HERC1: variants seen among roughly 807,000 people sequenced by gnomAD.
HERC1 encodes the protein HECT and RLD domain containing E3 ubiquitin protein ligase family member 1, also known as probable E3 ubiquitin-protein ligase HERC1.
A neutral mutation model predicts 554.3 loss-of-function variants in HERC1; 160 were observed. The observed-to-expected ratio is 0.29, with a 90% CI of 0.25 to 0.33. The LOEUF (loss-of-function observed/expected upper bound fraction) is 0.33. Ranked by LOEUF, HERC1 falls within the 10% of genes least tolerant of loss-of-function variation. The probability of loss-of-function intolerance (pLI) is 1.00; values close to 1 mark genes in which losing one functional copy is unlikely to be tolerated. For missense variants in HERC1, 4,919 were observed against 5,918.5 expected (o/e 0.83, Z 5.54); for synonymous variants, 2,175 against 2,131.7 (o/e 1.02, Z -0.56).
intron 1 of HERC1, among the ~76,000 whole-genome samples, chr15:63,833,463 T>G (rs2078226689): frequency 6.6e-6 from 1 of 151,948 alleles, no homozygotes; most frequent in African/African-American, 2.4e-5. Flanking sequence ...GATAAAGGAA[T>G]GAAGCAGAAA....
rs1063420 is a variant in HERC1 at position 63,727,771 on chromosome 15, A to G, written c.3222T>C (p.Pro1074=). The G allele has an allele frequency of 6.2e-7, 1 of 1,613,876 alleles. No individual in the cohort carries two copies. The highest frequency in any genetic ancestry group is 1.7e-5 in the Admixed American group (1 of 60,006). The part of the protein sequence containing the change: ...CQIVNSLLLL[P]VSVARPLLSY... Reference sequence around the variant, plus strand: ...TCAATAAAGGCCGAGCCACTGACACAGGGAGTAACAGCAGGGAGTTAACAA... The same window carrying G: ...TCAATAAAGGCCGAGCCACTGACACGGGGAGTAACAGCAGGGAGTTAACAA... Residue 1074 remains proline, a synonymous_variant, in exon 17 of 78, where the codon CCT becomes CCC. Coordinates refer to ENST00000443617, the MANE Select transcript of HERC1 (RefSeq NM_003922.4). This position sits in a 1 kb window ranked among gnomAD's most constrained non-coding sequence, Gnocchi z 4.3.
chr15:63,644,589 T>C lies in HERC1; in HGVS notation c.11184+403A>G, dbSNP rs556562711. ...TGTTACTCGCCTAGAGGGCTCTCTA[T>C]AAATATATACATTTGTAACTTCTGT... On this transcript the variant is annotated intron_variant, in intron 57 of 77. Transcript: ENST00000443617. 2.6e-5 allele frequency among the ~76,000 whole-genome samples: 4 copies of C among 152,346 alleles called. No homozygotes were observed. The East Asian group carries it at 7.7e-4, about 29-fold the overall frequency.
At position 63,649,695 on chromosome 15, in the gene HERC1, C is replaced by T. The variant is rs146479868; in HGVS notation, c.10747+30G>A. 4.2e-4 allele frequency: 660 copies of T among 1,575,434 alleles called. 3 individuals are homozygous for T. In the African/African-American group the frequency reaches 7.9e-3, roughly 19 times the overall value. ...AGTCTAGAAAGGAAGTTGGAGACTC[C>T]GTCAGCTAGACGTAAGTGCAGTCAT... On this transcript the variant is annotated intron_variant, in intron 54 of 77. Transcript: ENST00000443617.
At chr15:63,690,458 C>G in intron 32 of HERC1, 83 bp downstream of exon 32, 1 of 817,202 alleles carries the variant, frequency 1.2e-6, no homozygotes. Flanking sequence ...ACATTTACAA[C>G]TGAAGAGACT....
chr15:63,690,378 C>T (rs902122607), intron 32 of HERC1, among the ~76,000 whole-genome samples, 163 bp downstream of exon 32: 59 of 151,658 alleles, frequency 3.9e-4, no homozygotes, highest in African/African-American at 1.3e-3. Context: ...TTTTTTTTGC[C>T]CTCTCCTTGG....
At chr15:63,731,924 A>T (rs527571538) in intron 14 of HERC1, among the ~76,000 whole-genome samples, 7 of 152,282 alleles carry the variant, frequency 4.6e-5, no homozygotes, top group African/African-American at 1.4e-4. Flanking sequence ...ATACGTGTAC[A>T]ATGTACAATT....
chr15:63,739,659 T>G (rs2074708110), intron 12 of HERC1, among the ~76,000 whole-genome samples: 1 of 151,808 alleles, frequency 6.6e-6, no homozygotes, highest in Non-Finnish European at 1.5e-5. Context: ...GCCAACATGG[T>G]GAAACCCTGT....
In HERC1 at chr15:63,833,878, C is replaced by T. The variant is rs1433627706; in HGVS notation, c.-78G>A. 1 of 152,788 alleles carries T rather than the reference C, an allele frequency of 6.5e-6. No individual in the cohort carries two copies. The highest frequency in any genetic ancestry group is 1.5e-5 in the Non-Finnish European group (1 of 68,298). The allele number at this position is 152,788 out of a possible 1,614,324, so 9.5% of individuals were successfully genotyped here. A position where few individuals can be genotyped will look rare whatever the true frequency, so the allele number is the denominator to read the frequency against. The stretch of plus-strand genomic sequence containing the variant: ...CGCGGCTCCGGCGACCCGAGCCCGG[C>T]TCCGCAGAGGCTGCGGCGGTCGCGT... On this transcript the variant is annotated 5_prime_UTR_variant, in exon 1 of 78. Transcript: ENST00000443617.
chr15:63,627,073 T>G (rs559063377), intron 70 of HERC1, among the ~76,000 whole-genome samples: 6 of 152,256 alleles, frequency 3.9e-5, no homozygotes, highest in Admixed American at 2.6e-4. Context: ...TGCCCTAAAG[T>G]GGAAGTGAAA....
chr15:63,714,545 G>GTTTTTTTT (rs773905620), intron 22 of HERC1, among the ~76,000 whole-genome samples: 4 of 95,796 alleles, frequency 4.2e-5, no homozygotes, highest in Non-Finnish European at 6.1e-5. Context: ...TCCTTTTTCT[G>GTTTTTTTT]TTTTTTTTTT....
Position 63,645,667 on chromosome 15 carries a change from T to C in HERC1, c.10894A>G (p.Met3632Val). ...ATATGACCTGTAGGGTCCCACTTCATGCTAATAAGAGTATCCTTAAAATGG... is the reference window on the plus strand; with the variant it reads ...ATATGACCTGTAGGGTCCCACTTCACGCTAATAAGAGTATCCTTAAAATGG... ...IDAHKDTLISMKWDPTGHILM... is the reference protein window; with the variant it reads ...IDAHKDTLISVKWDPTGHILM... The change falls in exon 56 of 78, where the codon ATG (methionine) becomes GTG (valine). Residue 3632 changes from methionine (M) to valine (V), a missense_variant. Transcript: ENST00000443617. 1 of 1,585,662 alleles carries C rather than the reference T, an allele frequency of 6.3e-7. No homozygotes were observed. The highest frequency in any genetic ancestry group is 8.6e-7 in the Non-Finnish European group (1 of 1,167,468).
intron 73 of HERC1, 77 bp downstream of exon 73, chr15:63,623,648 G>T: frequency 1.5e-6 from 2 of 1,340,484 alleles, no homozygotes; most frequent in Non-Finnish European, 2.1e-6. Context: ...AACATGCCTG[G>T]CAGAGTGATC....
chr15:63,713,720 G>A, intron 22 of HERC1, 55 bp from the exon 23 acceptor site: 1 of 1,442,694 alleles, frequency 6.9e-7, no homozygotes, highest in Non-Finnish European at 9.3e-7. Flanking sequence ...GAAGAGCAAA[G>A]AAAATAACAA....
At position 63,675,044 on chromosome 15, in the gene HERC1, C is replaced by T. The variant is rs1469263683; in HGVS notation, c.7144G>A (p.Val2382Met). 2 of 1,613,992 alleles carry T rather than the reference C, an allele frequency of 1.2e-6. No individual in the cohort carries two copies. The highest frequency in any genetic ancestry group is 1.7e-6 in the Non-Finnish European group (2 of 1,179,878). The stretch of plus-strand genomic sequence containing the variant: ...GCCGTCAGGCCTCGGAATCGCGCCA[C>T]ATCAAACGGCAATGGTTCACAGGGT... ...LEPCEPLPFD[V>M]ARFRGLTASV... The change falls in exon 38 of 78, where the codon GTG (valine) becomes ATG (methionine). Residue 2382 changes from valine to methionine, a missense_variant. Coordinates refer to ENST00000443617, the MANE Select transcript of HERC1 (RefSeq NM_003922.4).
intron 3 of HERC1, among the ~76,000 whole-genome samples, chr15:63,762,138 G>T (rs1321364754): frequency 3.3e-5 from 5 of 152,110 alleles, no homozygotes; most frequent in Non-Finnish European, 7.4e-5. Context: ...AGATCAGCCA[G>T]AAACAATGAA....
chr15:63,765,914 T>C (rs1426741931), intron 2 of HERC1, among the ~76,000 whole-genome samples: 1 of 152,180 alleles, frequency 6.6e-6, no homozygotes, highest in East Asian at 1.9e-4. Context: ...TGGAGTGCAA[T>C]GGCTTTCTAA....
rs1486743115 is a variant in HERC1 at position 63,658,658 on chromosome 15, G to A, written c.9485C>T (p.Ala3162Val). Residue 3162 changes from alanine to valine, a missense_variant, in exon 48 of 78, where the codon GCT becomes GTT. Physicochemically the swap from Ala to Val is moderately conservative, Grantham distance 64 (BLOSUM62 0). This residue lies in a region of HERC1 where 1,963 missense variants were observed against 2,228.6 expected (regional missense o/e 0.88). Coordinates refer to ENST00000443617, the MANE Select transcript of HERC1 (RefSeq NM_003922.4). ...ACGGTCATGAGGGTTTGCTAGGGCA[G>A]CTGCCTGCTCTCCTAACGTTATTCT... is the stretch of plus-strand genomic sequence containing the variant. ...SGRITLGEQA[A>V]ALANPHDRVV... 2.5e-6 allele frequency: 4 copies of A among 1,613,768 alleles called. No individual in the cohort carries two copies. The African/African-American group carries it at 5.3e-5, about 22-fold the overall frequency.
intron 25 of HERC1, among the ~76,000 whole-genome samples, chr15:63,699,379 T>C (rs574038926): frequency 1.3e-5 from 2 of 152,364 alleles, no homozygotes; most frequent in African/African-American, 4.8e-5. Flanking sequence ...ACACTGCTAG[T>C]AAGACCTACT....
chr15:63,712,233 T>A (rs1264640112), intron 24 of HERC1, among the ~76,000 whole-genome samples: 2 of 152,172 alleles, frequency 1.3e-5, no homozygotes, highest in Non-Finnish European at 2.9e-5. Context: ...TTTGAAGGCT[T>A]CTGCACACGT....
Sources: gnomAD v4.1 joint callset for allele counts (sites outside exome capture counted in the v4.1 genomes callset) on GRCh38, gnomAD v4.1.1 for gene constraint, gnomAD v4.1.1 regional missense constraint, Gnocchi (gnomAD v3.1) non-coding constraint, MANE v1.5 for transcripts, NCBI Gene and HGNC (gene_info 2026-07-23, HGNC 2026-07-21) for gene names.